Variants in NKAIN2 observed in about 807,000 individuals in gnomAD.
NKAIN2 encodes sodium/potassium-transporting ATPase subunit beta-1-interacting protein 2.
NKAIN2 carries 14 observed loss-of-function variants against 32.6 expected under a neutral mutation model. The ratio of observed to expected loss-of-function variants is 0.43; its 90% CI spans 0.28 to 0.67. NKAIN2 has a LOEUF of 0.67. Ranked by LOEUF, NKAIN2 falls within the 30% of genes least tolerant of loss-of-function variation. The probability of loss-of-function intolerance (pLI) is 0.17; values close to 1 mark genes in which losing one functional copy is unlikely to be tolerated. For missense variants in NKAIN2, 198 were observed against 258.3 expected, an observed-to-expected ratio of 0.77 and a Z score of 1.60; for synonymous variants, 80 against 87.2, an observed-to-expected ratio of 0.92 and a Z score of 0.46.
intron 1 of NKAIN2, among the ~76,000 whole-genome samples, chr6:123,916,400 GAT>G (rs957374256): frequency 1.3e-5 from 2 of 151,928 alleles, no homozygotes; most frequent in Non-Finnish European, 2.9e-5. Flanking sequence ...TTAAAGGTGG[GAT>G]TAAAGCCATC....
rs560097982 is a variant in NKAIN2 at position 124,257,177 on chromosome 6, G to A, written c.55-25828G>A. ...AAAGCAGATGGCTGAAGAATTTTGA[G>A]CTTTTTTTATTTATTGTCTCTGTTG... On this transcript the variant is annotated intron_variant, in intron 1 of 6. Transcript: ENST00000368417. Among the ~76,000 whole-genome samples, 284 of 117,406 alleles carry A rather than the reference G, an allele frequency of 2.4e-3. 1 individual carries two copies. Among genetic ancestry groups the A allele is most frequent in the Middle Eastern group, 0.011 (3 of 268 alleles). 77.0% of individuals were successfully genotyped at this position (117,406 alleles called of 152,430 possible).
chr6:124,490,074 A>G (rs1777801431), intron 3 of NKAIN2, among the ~76,000 whole-genome samples: 1 of 151,896 alleles, frequency 6.6e-6, no homozygotes. Flanking sequence ...ATTAATATAT[A>G]CTGCTCTTAC....
chr6:124,037,072 A>T (rs1781633397), intron 1 of NKAIN2, among the ~76,000 whole-genome samples: 1 of 152,228 alleles, frequency 6.6e-6, no homozygotes, highest in South Asian at 2.1e-4. Flanking sequence ...CACCTACTGC[A>T]GGTCTGCTTA....
intron 1 of NKAIN2, among the ~76,000 whole-genome samples, chr6:124,048,874 T>C (rs1475428839): frequency 6.6e-6 from 1 of 152,080 alleles, no homozygotes; most frequent in East Asian, 1.9e-4. Flanking sequence ...TTAGGTCTTT[T>C]TGGGTCTCTA....
intron 1 of NKAIN2, among the ~76,000 whole-genome samples, chr6:124,130,713 C>T (rs767329105): frequency 5.3e-5 from 8 of 150,978 alleles, no homozygotes; most frequent in African/African-American, 9.8e-5. Context: ...TAGTTTTTGA[C>T]GGAAGTAATC....
chr6:124,249,242 T>C (rs887161717), intron 1 of NKAIN2, among the ~76,000 whole-genome samples: 1 of 152,098 alleles, frequency 6.6e-6, no homozygotes, highest in African/African-American at 2.4e-5. Context: ...TAAATGGTAG[T>C]ACCAGGATAC....
At chr6:124,038,992 T>C (rs1781736789) in intron 1 of NKAIN2, among the ~76,000 whole-genome samples, 1 of 152,116 alleles carries the variant, frequency 6.6e-6, no homozygotes, top group African/African-American at 2.4e-5. Flanking sequence ...ATGGTCATGG[T>C]TAATTATCAG....
chr6:124,180,276 G>A (rs1368493263), intron 1 of NKAIN2, among the ~76,000 whole-genome samples: 1 of 152,116 alleles, frequency 6.6e-6, no homozygotes, highest in Non-Finnish European at 1.5e-5. Context: ...CCACATGGCT[G>A]GGAAGACTCA....
chr6:124,118,735 T>A (rs1785737446), intron 1 of NKAIN2, among the ~76,000 whole-genome samples: 1 of 152,170 alleles, frequency 6.6e-6, no homozygotes, highest in Non-Finnish European at 1.5e-5. Flanking sequence ...ATTGTGTCAT[T>A]TTGTTACTGG....
At chr6:124,400,175 C>T (rs150978536) in intron 3 of NKAIN2, among the ~76,000 whole-genome samples, 17 of 152,144 alleles carry the variant, frequency 1.1e-4, no homozygotes, top group African/African-American at 4.1e-4. Context: ...GAATCTCCTG[C>T]GGATCTTTAA....
At position 124,043,033 on chromosome 6, in the gene NKAIN2, ATC is replaced by A. The variant is rs570028364; in HGVS notation, c.54+238781_54+238782del. Among the ~76,000 whole-genome samples, 739 of 152,184 alleles carry A rather than the reference ATC, an allele frequency of 4.9e-3. 4 individuals carry two copies. Among genetic ancestry groups the A allele is most frequent in the African/African-American group, 0.017 (701 of 41,544 alleles). Reference sequence around the variant, plus strand: ...ACTAAACAATATTTTAATAGAAAATATCTGTTTTTCTCTTATTCCTAATAAAT... The same window carrying A: ...ACTAAACAATATTTTAATAGAAAATATGTTTTTCTCTTATTCCTAATAAAT... On this transcript the variant is annotated intron_variant, in intron 1 of 6. Transcript: ENST00000368417.
At chr6:123,995,975 A>G (rs2114700055) in intron 1 of NKAIN2, among the ~76,000 whole-genome samples, 1 of 152,286 alleles carries the variant, frequency 6.6e-6, no homozygotes, top group South Asian at 2.1e-4. Context: ...ATTTTTCAAC[A>G]AATTGGTTTG....
intron 5 of NKAIN2, among the ~76,000 whole-genome samples, chr6:124,815,126 A>G (rs1781084017): frequency 6.6e-6 from 1 of 151,048 alleles, no homozygotes; most frequent in Non-Finnish European, 1.5e-5. Context: ...TTAGAAAACT[A>G]GTCCTTAATT....
At chr6:123,979,691 G>A (rs1038928935) in intron 1 of NKAIN2, among the ~76,000 whole-genome samples, 1 of 152,150 alleles carries the variant, frequency 6.6e-6, no homozygotes, top group African/African-American at 2.4e-5. Flanking sequence ...TTCATATCAA[G>A]TTATTGTCCT....
At chr6:123,806,525 A>G (rs1773220519) in intron 1 of NKAIN2, among the ~76,000 whole-genome samples, 1 of 152,088 alleles carries the variant, frequency 6.6e-6, no homozygotes, top group African/African-American at 2.4e-5. Context: ...ATAGTTGCAA[A>G]GCCCTGCACT....
chr6:124,313,227 A>G (rs1252165070), intron 2 of NKAIN2, among the ~76,000 whole-genome samples: 2 of 152,146 alleles, frequency 1.3e-5, no homozygotes, highest in African/African-American at 4.8e-5. Flanking sequence ...TACTTCTCCA[A>G]TAAAGTAGGT....
chr6:124,119,448 A>G (rs1785769778), intron 1 of NKAIN2, among the ~76,000 whole-genome samples: 1 of 152,176 alleles, frequency 6.6e-6, no homozygotes, highest in Admixed American at 6.6e-5. Context: ...ATAATAATTT[A>G]TTCCTCACAG....
At chr6:124,185,990 A>T (rs930388354) in intron 1 of NKAIN2, among the ~76,000 whole-genome samples, 2 of 151,002 alleles carry the variant, frequency 1.3e-5, no homozygotes, top group African/African-American at 4.9e-5. Context: ...GAACCGTAGA[A>T]GCTCGGAAAA....
At chr6:123,813,131 G>C (rs1773548271) in intron 1 of NKAIN2, among the ~76,000 whole-genome samples, 1 of 152,154 alleles carries the variant, frequency 6.6e-6, no homozygotes, top group Middle Eastern at 3.2e-3. Context: ...GACACCACTT[G>C]GAAACAAAAG....
Sources: gnomAD v4.1 joint callset for allele counts (sites outside exome capture counted in the v4.1 genomes callset) on GRCh38, gnomAD v4.1.1 for gene constraint, MANE v1.5 for transcripts, NCBI Gene and HGNC (gene_info 2026-07-23, HGNC 2026-07-21) for gene names.